The following ALDH1A1 variants were observed in gnomAD, a reference collection of about 807,000 sequenced individuals.
The protein encoded by ALDH1A1 is aldehyde dehydrogenase 1 family member A1, also known as aldehyde dehydrogenase 1A1.
A neutral mutation model predicts 62.1 loss-of-function variants in ALDH1A1; 19 were observed. That is an observed-to-expected ratio of 0.31 (90% confidence interval 0.21 to 0.45). The LOEUF (loss-of-function observed/expected upper bound fraction) is 0.45. Ranked by LOEUF, ALDH1A1 falls within the 20% of genes least tolerant of loss-of-function variation. The probability of loss-of-function intolerance (pLI) is 1.00; values close to 1 mark genes in which losing one functional copy is unlikely to be tolerated. For missense variants in ALDH1A1, 521 were observed against 607.1 expected (o/e 0.86, Z 1.49); for synonymous variants, 231 against 215.9 (o/e 1.07, Z -0.61).
chr9:72,914,195 A>G (rs1284083481), intron 9 of ALDH1A1, among the ~76,000 whole-genome samples: 1 of 152,218 alleles, frequency 6.6e-6, no homozygotes, highest in East Asian at 1.9e-4. Context: ...AATGGGTTAA[A>G]GAAGATGAAT....
At chr9:72,944,065 T>C (rs1483356654) in intron 1 of ALDH1A1, among the ~76,000 whole-genome samples, 1 of 152,002 alleles carries the variant, frequency 6.6e-6, no homozygotes, top group Non-Finnish European at 1.5e-5. Context: ...AGGCCTGACA[T>C]TGAAAATAAA....
chr9:72,915,621 A>C (rs941247764), intron 9 of ALDH1A1, among the ~76,000 whole-genome samples: 2 of 152,186 alleles, frequency 1.3e-5, no homozygotes, highest in African/African-American at 2.4e-5. Context: ...ATTAAGATAA[A>C]ACAAAGTATT....
chr9:72,903,102 A>C lies in ALDH1A1; in HGVS notation c.1434-1822T>G, dbSNP rs8187989. Among the ~76,000 whole-genome samples, 785 of 152,116 alleles carry C rather than the reference A, an allele frequency of 5.2e-3. 7 individuals are homozygous for C. The highest frequency in any genetic ancestry group is 0.018 in the African/African-American group (729 of 41,538). On this transcript the variant is annotated intron_variant, in intron 12 of 12. Transcript: ENST00000297785. The stretch of plus-strand genomic sequence containing the variant: ...TGGTAAATATCAAGAAAAAAAATTC[A>C]TTTGTGTTCTCACTATACGACCATT...
chr9:72,950,038 C>G (rs8187876), intron 1 of ALDH1A1, among the ~76,000 whole-genome samples: 1 of 151,342 alleles, frequency 6.6e-6, no homozygotes, highest in Non-Finnish European at 1.5e-5. Context: ...TAGGAGAAGA[C>G]GTGAGGCATA....
intron 2 of ALDH1A1, among the ~76,000 whole-genome samples, chr9:72,934,103 G>A (rs143753882): frequency 2.4e-4 from 36 of 152,222 alleles, no homozygotes; most frequent in African/African-American, 7.7e-4. Context: ...TAATTTTTTT[G>A]TAGAGATGGG....
intron 9 of ALDH1A1, among the ~76,000 whole-genome samples, chr9:72,912,363 G>A (rs1430925202): frequency 3.3e-5 from 5 of 152,084 alleles, no homozygotes; most frequent in Non-Finnish European, 5.9e-5. Flanking sequence ...AGTTATATAG[G>A]AAAGCATTCA....
At position 72,903,228 on chromosome 9, in the gene ALDH1A1, T is replaced by C. The variant is rs549640101; in HGVS notation, c.1434-1948A>G. The stretch of plus-strand genomic sequence containing the variant: ...AGTTTAAAATGGCATACTAGCAAAG[T>C]CTTAAAGGACCTACGTTAACCTAAG... On this transcript the variant is annotated intron_variant, in intron 12 of 12. Transcript: ENST00000297785. Among the ~76,000 whole-genome samples, 345 of 152,120 alleles carry C rather than the reference T, an allele frequency of 2.3e-3. 2 individuals are homozygous for C. The highest frequency in any genetic ancestry group is 0.014 in the Middle Eastern group (4 of 294).
At chr9:72,918,851 C>G (rs8187953) in intron 7 of ALDH1A1, 29 bp from the exon 8 acceptor site, 44,596 of 1,525,982 alleles carry the variant, frequency 0.029, 789 homozygotes, top group Non-Finnish European at 0.034. Context: ...AAGGAGGAGG[C>G]TTACCCTGCT....
At chr9:72,949,312 C>T (rs545449166) in intron 1 of ALDH1A1, among the ~76,000 whole-genome samples, 1 of 151,936 alleles carries the variant, frequency 6.6e-6, no homozygotes, top group South Asian at 2.1e-4. Flanking sequence ...CTGGAAAGAC[C>T]ATGGTAATCA....
Position 72,915,108 on chromosome 9 carries a change from C to T in ALDH1A1, c.1035+1812G>A, listed in dbSNP as rs539671722. Among the ~76,000 whole-genome samples, 39 of 152,246 alleles carry T rather than the reference C, an allele frequency of 2.6e-4. 1 individual carries two copies. The Middle Eastern group carries it at 0.014, about 53-fold the overall frequency. On this transcript the variant is annotated intron_variant, in intron 9 of 12. Transcript: ENST00000297785. ...ATGGAACTTGTGATAAAAATCTATT[C>T]ACTTATAGAAACTAAATTCTTATAT...
intron 1 of ALDH1A1, among the ~76,000 whole-genome samples, chr9:72,946,908 A>C (rs112827132): frequency 2.0e-5 from 3 of 152,066 alleles, no homozygotes; most frequent in African/African-American, 7.2e-5. Flanking sequence ...GTTGGTCTTC[A>C]AATGAGTTAT....
chr9:72,911,022 C>T (rs1043609419), intron 10 of ALDH1A1, among the ~76,000 whole-genome samples: 24 of 152,134 alleles, frequency 1.6e-4, no homozygotes, highest in African/African-American at 4.8e-4. Context: ...TTTTTTTCCA[C>T]GTCTTATCTG....
intron 9 of ALDH1A1, among the ~76,000 whole-genome samples, chr9:72,913,269 A>G (rs985902330): frequency 2.0e-5 from 3 of 152,198 alleles, no homozygotes; most frequent in Non-Finnish European, 2.9e-5. Flanking sequence ...AATTTGGCAC[A>G]ATATTTGGTA....
chr9:72,950,174 C>T (rs1279175532), intron 1 of ALDH1A1, among the ~76,000 whole-genome samples: 3 of 151,888 alleles, frequency 2.0e-5, no homozygotes, highest in Non-Finnish European at 2.9e-5. Context: ...GGCATTATTT[C>T]AAGGGCTTTG....
At chr9:72,940,902 C>T (rs1020304402) in intron 1 of ALDH1A1, among the ~76,000 whole-genome samples, 1 of 152,042 alleles carries the variant, frequency 6.6e-6, no homozygotes, top group African/African-American at 2.4e-5. Context: ...AAACAGTAAG[C>T]ACTAAAAAAT....
At chr9:72,931,209 A>G (rs1830277775) in intron 2 of ALDH1A1, among the ~76,000 whole-genome samples, 190 bp from the exon 3 acceptor site, 1 of 152,234 alleles carries the variant, frequency 6.6e-6, no homozygotes, top group African/African-American at 2.4e-5. Context: ...TAATCTTTAC[A>G]TGATGAGCTC....
At chr9:72,903,423 T>G (rs1034040682) in intron 12 of ALDH1A1, among the ~76,000 whole-genome samples, 8 of 152,054 alleles carry the variant, frequency 5.3e-5, no homozygotes, top group Non-Finnish European at 1.0e-4. Flanking sequence ...TGTTCTCAAC[T>G]GATCAATTCT....
intron 12 of ALDH1A1, 61 bp from the exon 13 acceptor site, chr9:72,901,341 A>T: frequency 1.7e-6 from 2 of 1,174,108 alleles, no homozygotes; most frequent in Non-Finnish European, 2.5e-6. Flanking sequence ...AATATACTGT[A>T]GTTCATGTTT....
At chr9:72,932,663 G>A (rs1489803287) in intron 2 of ALDH1A1, among the ~76,000 whole-genome samples, 1 of 152,026 alleles carries the variant, frequency 6.6e-6, no homozygotes, top group Non-Finnish European at 1.5e-5. Context: ...GTGCATATTT[G>A]CGGCATTCAG....
Sources: allele counts gnomAD v4.1 joint callset (sites outside exome capture counted in the v4.1 genomes callset), GRCh38; gene constraint gnomAD v4.1.1; transcripts MANE v1.5; gene names NCBI Gene and HGNC (gene_info 2026-07-23, HGNC 2026-07-21).